Variants in HDHD2 observed in about 807,000 individuals in gnomAD.
HDHD2 encodes the protein haloacid dehalogenase-like hydrolase domain-containing protein 2.
HDHD2 carries 26 observed loss-of-function variants against 24.8 expected under a neutral mutation model. That is an observed-to-expected ratio of 1.05 (90% confidence interval 0.77 to 1.45). HDHD2 has a LOEUF of 1.45. HDHD2 is among the 40% of genes most tolerant of loss of function. The probability of loss-of-function intolerance (pLI) is 0.00; values close to 1 mark genes in which losing one functional copy is unlikely to be tolerated. For missense variants in HDHD2, 299 were observed against 313.4 expected, an observed-to-expected ratio of 0.95 and a Z score of 0.35; for synonymous variants, 128 against 114.9, an observed-to-expected ratio of 1.11 and a Z score of -0.73.
chr18:47,142,819 T>C (rs1171100359), intron 1 of HDHD2, among the ~76,000 whole-genome samples: 1 of 152,160 alleles, frequency 6.6e-6, no homozygotes, highest in African/African-American at 2.4e-5. Context: ...GTCCAGATAA[T>C]GTCTATATAG....
chr18:47,111,842 T>C (rs1599920616), intron 6 of HDHD2: 3 of 981,944 alleles, frequency 3.1e-6, no homozygotes, highest in Admixed American at 6.1e-5. Flanking sequence ...ACAAACATCA[T>C]AGTCACTTTT....
At chr18:47,128,431 T>C (rs1422092490) in intron 4 of HDHD2, among the ~76,000 whole-genome samples, 2 of 152,166 alleles carry the variant, frequency 1.3e-5, no homozygotes, top group Non-Finnish European at 2.9e-5. Context: ...AAATGAAAAC[T>C]GATATTGGTA....
chr18:47,114,305 C>CAA (rs887599516), intron 5 of HDHD2, among the ~76,000 whole-genome samples: 1 of 152,198 alleles, frequency 6.6e-6, no homozygotes. Flanking sequence ...GTCCTGAGCT[C>CAA]AAGCTCTACT....
intron 4 of HDHD2, among the ~76,000 whole-genome samples, chr18:47,128,793 T>G (rs2063684764): frequency 6.6e-6 from 1 of 152,216 alleles, no homozygotes; most frequent in Non-Finnish European, 1.5e-5. Flanking sequence ...AAACTGCTAT[T>G]TCTGGCCACA....
chr18:47,142,908 A>C (rs1355245641), intron 1 of HDHD2, among the ~76,000 whole-genome samples: 2 of 152,186 alleles, frequency 1.3e-5, no homozygotes, highest in Non-Finnish European at 2.9e-5. Flanking sequence ...TTGCCTTCTA[A>C]CTTTTTCTAA....
intron 1 of HDHD2, among the ~76,000 whole-genome samples, chr18:47,142,735 G>A (rs147970256): frequency 3.0e-4 from 45 of 152,132 alleles, no homozygotes; most frequent in Non-Finnish European, 6.2e-4. Context: ...CAGGATCTTC[G>A]ATTATCTGCT....
chr18:47,137,629 T>C (rs906869154), intron 1 of HDHD2, among the ~76,000 whole-genome samples: 1 of 152,178 alleles, frequency 6.6e-6, no homozygotes, highest in Non-Finnish European at 1.5e-5. Flanking sequence ...CAGTAAGTTA[T>C]TTTGCTCTGT....
intron 2 of HDHD2, 88 bp from the exon 3 acceptor site, chr18:47,134,792 GT>G: frequency 9.7e-7 from 1 of 1,030,890 alleles, no homozygotes; most frequent in Non-Finnish European, 1.5e-6. Flanking sequence ...TGTGCCAAAT[GT>G]TTTTATGGCC....
rs748797136 is a variant in HDHD2 at position 47,115,271 on chromosome 18, C to A, written c.473G>T (p.Gly158Val). Residue 158 changes from glycine (G) to valine (V), a missense_variant, in exon 5 of 7, where the codon GGG becomes GTG. Transcript: ENST00000300605. Reference protein sequence around the residue: ...YYKRKDGLALGPGPFVTALEY... With the variant: ...YYKRKDGLALVPGPFVTALEY... ...TAAAGCAGTCACAAATGGTCCAGGC[C>A]CCAGGGCTAAGCCATCTTTCCTCTT... The A allele has an allele frequency of 6.2e-7, 1 of 1,613,890 alleles. No individual in the cohort carries two copies. Among genetic ancestry groups the A allele is most frequent in the African/African-American group, 1.3e-5 (1 of 74,894 alleles).
rs571265697 is a variant in HDHD2 at position 47,123,390 on chromosome 18, C to A, written c.395+6854G>T. On this transcript the variant is annotated intron_variant, in intron 4 of 6. Transcript: ENST00000300605. Reference sequence around the variant, plus strand: ...ATTACCTGAGGTCAAGAGTTTGAGACCAGCCTGACCAACATGGCAAAACCC... The same window carrying A: ...ATTACCTGAGGTCAAGAGTTTGAGAACAGCCTGACCAACATGGCAAAACCC... Among the ~76,000 whole-genome samples, 173 of 152,202 alleles carry A rather than the reference C, an allele frequency of 1.1e-3. 1 individual carries two copies. The highest frequency in any genetic ancestry group is 3.9e-3 in the African/African-American group (163 of 41,516).
In HDHD2 at chr18:47,143,817, T is replaced by C. The variant is rs2063841435; in HGVS notation, c.-11+6561A>G. ...GCATACAAATTGTAACCAATAAAAATATCCCAAAGAACATGTACTAGCTCA... is the reference window on the plus strand; with the variant it reads ...GCATACAAATTGTAACCAATAAAAACATCCCAAAGAACATGTACTAGCTCA... On this transcript the variant is annotated intron_variant, in intron 1 of 6. Coordinates refer to ENST00000300605, the MANE Select transcript of HDHD2 (RefSeq NM_032124.5). Among the ~76,000 whole-genome samples the C allele has an allele frequency of 3.9e-5, 6 of 152,122 alleles. No homozygotes were observed. In the South Asian group the frequency reaches 1.2e-3, roughly 31 times the overall value.
intron 4 of HDHD2, among the ~76,000 whole-genome samples, chr18:47,122,319 T>C (rs2063614864): frequency 6.6e-6 from 1 of 152,180 alleles, no homozygotes; most frequent in African/African-American, 2.4e-5. Context: ...AGCAGTAAAC[T>C]AGTTCAGGGC....
At chr18:47,136,045 T>C (rs2063762787) in intron 2 of HDHD2, among the ~76,000 whole-genome samples, 1 of 152,258 alleles carries the variant, frequency 6.6e-6, no homozygotes, top group African/African-American at 2.4e-5. Context: ...ATGATATTTA[T>C]TCCACATTGT....
At chr18:47,129,392 C>T (rs566175857) in intron 4 of HDHD2, among the ~76,000 whole-genome samples, 4 of 152,192 alleles carry the variant, frequency 2.6e-5, no homozygotes, top group Admixed American at 6.5e-5. Flanking sequence ...TGATGTCTCT[C>T]TGCTTGAATA....
At chr18:47,111,175 T>C (rs2063512666) in intron 6 of HDHD2, 12 of 985,292 alleles carry the variant, frequency 1.2e-5, no homozygotes, top group Non-Finnish European at 1.4e-5. Flanking sequence ...TAATTACACA[T>C]TTTGGACTTG....
At chr18:47,135,491 C>T (rs967567352) in intron 2 of HDHD2, among the ~76,000 whole-genome samples, 1 of 152,048 alleles carries the variant, frequency 6.6e-6, no homozygotes. Context: ...GAACTCCCGA[C>T]CTCAGGTGAT....
At chr18:47,136,501 T>C (rs1467113248) in intron 1 of HDHD2, 52 bp from the exon 2 acceptor site, 5 of 1,458,964 alleles carry the variant, frequency 3.4e-6, no homozygotes, top group Non-Finnish European at 4.7e-6. Context: ...CAATGGACAA[T>C]TAAAAACTGG....
In HDHD2 at chr18:47,115,237, G is replaced by C. The variant is rs1458891781; in HGVS notation, c.507C>G (p.Ala169=). ...PGPFVTALEY[A]TDTKATVVGK... The stretch of plus-strand genomic sequence containing the variant: ...CCACGACTGTGGCTTTGGTATCTGT[G>C]GCATACTCTAAAGCAGTCACAAATG... The change falls in exon 5 of 7, where the codon GCC becomes GCG. Residue 169 remains alanine, a synonymous_variant. Coordinates refer to ENST00000300605, the MANE Select transcript of HDHD2 (RefSeq NM_032124.5). 6.2e-7 allele frequency: 1 copy of C among 1,613,852 alleles called. No individual in the cohort carries two copies. Among genetic ancestry groups the C allele is most frequent in the South Asian group, 1.1e-5 (1 of 91,052 alleles).
intron 5 of HDHD2, among the ~76,000 whole-genome samples, chr18:47,114,890 T>C (rs909216278): frequency 6.6e-6 from 1 of 151,660 alleles, no homozygotes; most frequent in African/African-American, 2.4e-5. Context: ...TATATATATG[T>C]ATCATAACAC....
Sources: gnomAD v4.1 joint callset for allele counts (sites outside exome capture counted in the v4.1 genomes callset) on GRCh38, gnomAD v4.1.1 for gene constraint, MANE v1.5 for transcripts, NCBI Gene and HGNC (gene_info 2026-07-23, HGNC 2026-07-21) for gene names.